The following GBF1 variants were observed in gnomAD, a reference collection of about 807,000 sequenced individuals.
GBF1 encodes the protein golgi brefeldin A resistant guanine nucleotide exchange factor 1.
GBF1 carries 114 observed loss-of-function variants against 210.5 expected under a neutral mutation model. The ratio of observed to expected loss-of-function variants is 0.54; its 90% CI spans 0.47 to 0.63. GBF1 has a LOEUF of 0.63. Ranked by LOEUF, GBF1 falls within the 30% of genes least tolerant of loss-of-function variation. The pLI, the probability that GBF1 is intolerant of heterozygous loss-of-function variation, is 0.00. For synonymous variants in GBF1, 850 were observed against 889.2 expected (o/e 0.96, Z 0.78); for missense variants, 1,851 against 2,357.7 (o/e 0.79, Z 4.45).
intron 3 of GBF1, among the ~76,000 whole-genome samples, chr10:102,317,441 A>C (rs926317264): frequency 6.6e-6 from 1 of 152,126 alleles, no homozygotes; most frequent in African/African-American, 2.4e-5. Context: ...CAACGTGGAG[A>C]AACCCCATCT....
intron 3 of GBF1, among the ~76,000 whole-genome samples, chr10:102,277,686 A>G (rs990689904): frequency 6.6e-6 from 1 of 152,216 alleles, no homozygotes; most frequent in Non-Finnish European, 1.5e-5. Context: ...GCCTATCATG[A>G]TCTTTTATCC....
chr10:102,368,460 C>A lies in GBF1; in HGVS notation c.2879+6C>A, dbSNP rs1394905090. ...AAAGCCATCTCAGGCTTCAGGTAGCCCAGCTTTGGCCTTGGTCTTCACCTC... is the reference window on the plus strand; with the variant it reads ...AAAGCCATCTCAGGCTTCAGGTAGCACAGCTTTGGCCTTGGTCTTCACCTC... On this transcript the variant is annotated splice_donor_region_variant and intron_variant, in intron 22 of 39. Transcript: ENST00000369983. 6.6e-7 allele frequency: 1 copy of A among 1,520,450 alleles called. No individual in the cohort carries two copies. The highest frequency in any genetic ancestry group is 1.1e-5 in the South Asian group (1 of 89,326). 94.2% of individuals were successfully genotyped at this position (1,520,450 alleles called of 1,614,324 possible). A position where few individuals can be genotyped will look rare whatever the true frequency, so the allele number is the denominator to read the frequency against.
intron 3 of GBF1, 89 bp from the exon 4 acceptor site, chr10:102,343,962 T>G (rs2058364570): frequency 7.8e-6 from 8 of 1,032,162 alleles, no homozygotes; most frequent in Admixed American, 3.5e-5. Flanking sequence ...AACAAAGACC[T>G]CTAGCCTCAT....
chr10:102,269,902 G>A (rs1305705641), intron 3 of GBF1, among the ~76,000 whole-genome samples: 1 of 149,408 alleles, frequency 6.7e-6, no homozygotes, highest in African/African-American at 2.5e-5. Context: ...TTTTTGAGAC[G>A]GAATCTTGCT....
intron 3 of GBF1, among the ~76,000 whole-genome samples, chr10:102,337,128 C>T (rs2057804450): frequency 1.3e-5 from 2 of 151,972 alleles, no homozygotes; most frequent in African/African-American, 2.4e-5. Flanking sequence ...TCTGTAATCC[C>T]AGCACTTTGG....
At chr10:102,362,690 A>C (rs780398861) in intron 15 of GBF1, 26 bp downstream of exon 15, 2 of 1,572,882 alleles carry the variant, frequency 1.3e-6, no homozygotes, top group Non-Finnish European at 8.7e-7. Context: ...TTCTTTGATG[A>C]ACCCAGTGTT....
chr10:102,268,796 A>G (rs1020783688), intron 3 of GBF1, among the ~76,000 whole-genome samples: 1 of 152,180 alleles, frequency 6.6e-6, no homozygotes, highest in Non-Finnish European at 1.5e-5. Flanking sequence ...TTGATAACCC[A>G]GTTTCTGAAG....
the GBF1 span, chr10:102,231,131 C>T: frequency 3.1e-5 from 47 of 1,492,066 alleles, no homozygotes; most frequent in East Asian, 9.4e-4. Context: ...GCGGTCAGGG[C>T]CCGGGGCCGG....
chr10:102,350,226 G>A (rs1487845395), intron 4 of GBF1, among the ~76,000 whole-genome samples: 1 of 151,974 alleles, frequency 6.6e-6, no homozygotes, highest in Non-Finnish European at 1.5e-5. Context: ...GCGCATGCCT[G>A]TAATCCCAGC....
At chr10:102,293,295 G>A (rs1329289212) in intron 3 of GBF1, among the ~76,000 whole-genome samples, 2 of 152,154 alleles carry the variant, frequency 1.3e-5, no homozygotes, top group African/African-American at 2.4e-5. Context: ...ACTCGTGTTT[G>A]TGGTGATGCT....
chr10:102,373,962 G>A (rs533111019), intron 29 of GBF1, among the ~76,000 whole-genome samples: 1 of 152,288 alleles, frequency 6.6e-6, no homozygotes, highest in Admixed American at 6.5e-5. Context: ...GACATCTCCA[G>A]GGAACTATGC....
At chr10:102,380,217 C>A in intron 36 of GBF1, 32 bp from the exon 37 acceptor site, 2 of 1,421,494 alleles carry the variant, frequency 1.4e-6, no homozygotes, top group South Asian at 2.3e-5. Flanking sequence ...CTCCTACAGT[C>A]CCCTCAGCTG....
rs778138554 is a variant in GBF1, at chr10:102,351,925, G to A, written c.497G>A (p.Arg166Gln). Residue 166 changes from arginine (R) to glutamine (Q), a missense_variant, in exon 6 of 40, where the codon CGG becomes CAG. Physicochemically the swap from Arg to Gln is conservative, Grantham distance 43. Coordinates refer to ENST00000369983, the MANE Select transcript of GBF1 (RefSeq NM_001377137.1). ...TGTGAGATTATGCAGTCTTGCTTCC[G>A]GATCTGCTTTGAAATGAGGCTCAGT... The part of the protein sequence containing the change: ...SVCEIMQSCF[R>Q]ICFEMRLSEL... 6 of 1,607,088 alleles carry A rather than the reference G, an allele frequency of 3.7e-6. No homozygotes were observed. The highest frequency in any genetic ancestry group is 1.1e-5 in the South Asian group (1 of 90,940).
At chr10:102,331,886 G>T (rs563987698) in intron 3 of GBF1, among the ~76,000 whole-genome samples, 1 of 121,440 alleles carries the variant, frequency 8.2e-6, no homozygotes, top group Non-Finnish European at 1.6e-5. Flanking sequence ...TTGAGACAGC[G>T]TCTGGCTCTG....
At chr10:102,255,479 G>A (rs2072216525) in intron 1 of GBF1, among the ~76,000 whole-genome samples, 1 of 152,188 alleles carries the variant, frequency 6.6e-6, no homozygotes, top group Non-Finnish European at 1.5e-5. Flanking sequence ...GGTAATATAT[G>A]TTTGTGACAC....
chr10:102,380,356 C>G lies in GBF1; in HGVS notation c.4986C>G (p.Asp1662Glu). ...AGTACATGCACGCAGGCTCCAGCGA[C>G]TTACTGGTATGTTCTACCTCAGCTC... ...MDKYMHAGSS[D>E]LLSEAIPESL... Residue 1662 changes from aspartate (D) to glutamate (E), a missense_variant, in exon 37 of 40, where the codon GAC (aspartate) becomes GAG (glutamate). Around this residue, in one of 3 missense-constraint regions of GBF1, gnomAD observed 967 missense variants for 1,247.7 expected, o/e 0.78. Transcript: ENST00000369983. The G allele has an allele frequency of 1.9e-6, 3 of 1,610,762 alleles. No individual in the cohort carries two copies. The highest frequency in any genetic ancestry group is 2.5e-6 in the Non-Finnish European group (3 of 1,176,992).
At chr10:102,352,668 G>A in intron 7 of GBF1, 150 bp downstream of exon 7, 1 of 652,612 alleles carries the variant, frequency 1.5e-6, no homozygotes, top group Non-Finnish European at 2.8e-6. Flanking sequence ...TGGGCCCAGG[G>A]TTACTGAGCA....
At chr10:102,381,911 T>C in intron 39 of GBF1, 145 bp from the exon 40 acceptor site, 3 of 470,824 alleles carry the variant, frequency 6.4e-6, no homozygotes, top group South Asian at 7.5e-5. Flanking sequence ...GAGGGGAGAC[T>C]CCCAACTTTT....
chr10:102,312,295 G>GAA (rs199516651), intron 3 of GBF1, among the ~76,000 whole-genome samples: 2 of 129,000 alleles, frequency 1.6e-5, no homozygotes, highest in Admixed American at 8.0e-5. Flanking sequence ...CTCTGTCTCA[G>GAA]AAAAAAAAAA....
Sources: allele counts gnomAD v4.1 joint callset (sites outside exome capture counted in the v4.1 genomes callset), GRCh38; gene constraint gnomAD v4.1.1; regional missense constraint gnomAD v4.1.1; transcripts MANE v1.5; gene names NCBI Gene and HGNC (gene_info 2026-07-23, HGNC 2026-07-21).